The following JRK variants were observed in gnomAD, a reference collection of about 807,000 sequenced individuals.
JRK encodes jerky protein homolog.
For synonymous variants in JRK, 303 were observed against 218.1 expected (o/e 1.39, Z -3.43); for missense variants, 720 against 509.2 (o/e 1.41, Z -3.98).
rs1354418543 is a variant in JRK at position 142,662,326 on chromosome 8, C to CA, written c.*2025_*2026insT. The CA allele has an allele frequency of 1.7e-4, 166 of 985,554 alleles. No individual in the cohort carries two copies. Among genetic ancestry groups the CA allele is most frequent in the Non-Finnish European group, 2.0e-4 (163 of 830,114 alleles). 61.1% of individuals were successfully genotyped at this position (985,554 alleles called of 1,614,324 possible). A position where few individuals can be genotyped will look rare whatever the true frequency, so the allele number is the denominator to read the frequency against. On this transcript the variant is annotated 3_prime_UTR_variant, in exon 2 of 2. Transcript: ENST00000612905. ...CCTGCCCATGCCCTCCCCAGCTCCA[C>CA]CCACCCAGGATGTCCTACTGTTTCA... is the stretch of plus-strand genomic sequence containing the variant.
downstream of JRK, among the ~76,000 whole-genome samples, chr8:142,656,651 C>T (rs587681819): frequency 6.6e-6 from 1 of 152,320 alleles, no homozygotes; most frequent in East Asian, 1.9e-4. Flanking sequence ...TTTGAGAGCA[C>T]CCTTAGGCTT....
chr8:142,659,883 G>C lies in JRK; in HGVS notation c.*4469C>G. On this transcript the variant is annotated 3_prime_UTR_variant, in exon 2 of 2. Coordinates refer to ENST00000612905, the MANE Select transcript of JRK (RefSeq NM_003724.4). ...GCCCCAGTCTCATCCCTAAACAGGA[G>C]TGACCCCACCTCATTTCATGTCATC... is the stretch of plus-strand genomic sequence containing the variant. 1.0e-6 allele frequency: 1 copy of C among 985,604 alleles called. No homozygotes were observed. The highest frequency in any genetic ancestry group is 1.2e-6 in the Non-Finnish European group (1 of 830,034). The allele number at this position is 985,604 out of a possible 1,614,324, so 61.1% of individuals were successfully genotyped here.
chr8:142,666,676 GC>G (rs1375745896), intron 1 of JRK, among the ~76,000 whole-genome samples, 156 bp from the exon 2 acceptor site: 110 of 152,302 alleles, frequency 7.2e-4, no homozygotes, highest in East Asian at 9.6e-4. Context: ...GGAGAGGGTG[GC>G]CCCGGGAGCA....
At chr8:142,651,747 A>C in the JRK span, among the ~76,000 whole-genome samples, 1 of 152,218 alleles carries the variant, frequency 6.6e-6, no homozygotes, top group Non-Finnish European at 1.5e-5. Context: ...ATCATTACTG[A>C]GTGCTCTAAC....
chr8:142,666,395 T>C lies in JRK; in HGVS notation c.-337A>G. Reference sequence around the variant, plus strand: ...ACACGGCTGGAACTCCGGCCTTCTCTGTGGATACTATGGCAGCGGCTCCCC... The same window carrying C: ...ACACGGCTGGAACTCCGGCCTTCTCCGTGGATACTATGGCAGCGGCTCCCC... On this transcript the variant is annotated 5_prime_UTR_variant, in exon 2 of 2. Transcript: ENST00000612905. The C allele has an allele frequency of 2.3e-6, 1 of 438,482 alleles. No homozygotes were observed. Among genetic ancestry groups the C allele is most frequent in the Non-Finnish European group, 4.4e-6 (1 of 225,696 alleles). The allele number at this position is 438,482 out of a possible 1,614,324, so 27.2% of individuals were successfully genotyped here. A position where few individuals can be genotyped will look rare whatever the true frequency, so the allele number is the denominator to read the frequency against.
In JRK at chr8:142,659,795, T is replaced by G; in HGVS notation, c.*4557A>C. 2 of 985,550 alleles carry G rather than the reference T, an allele frequency of 2.0e-6. No homozygotes were observed. The highest frequency in any genetic ancestry group is 2.4e-6 in the Non-Finnish European group (2 of 830,022). The allele number at this position is 985,550 out of a possible 1,614,324, so 61.1% of individuals were successfully genotyped here. A position where few individuals can be genotyped will look rare whatever the true frequency, so the allele number is the denominator to read the frequency against. On this transcript the variant is annotated 3_prime_UTR_variant, in exon 2 of 2. Transcript: ENST00000612905. ...GCAGTGGAGAACGTGAGGCTGGTCATTAGGAGCAGGTAGCCCTGGGTCTCC... is the reference window on the plus strand; with the variant it reads ...GCAGTGGAGAACGTGAGGCTGGTCAGTAGGAGCAGGTAGCCCTGGGTCTCC...
At position 142,662,207 on chromosome 8, in the gene JRK, C is replaced by T. The variant is rs148246389; in HGVS notation, c.*2145G>A. 5.8e-5 allele frequency: 57 copies of T among 985,560 alleles called. No individual in the cohort carries two copies. Among genetic ancestry groups the T allele is most frequent in the South Asian group, 9.4e-5 (2 of 21,282 alleles). 61.1% of individuals were successfully genotyped at this position (985,560 alleles called of 1,614,324 possible). A position where few individuals can be genotyped will look rare whatever the true frequency, so the allele number is the denominator to read the frequency against. ...AGTCAGCACAAGAGCAGATCAAGAA[C>T]GGGAAGAGCTCAGGTCCTGAAGAGC... On this transcript the variant is annotated 3_prime_UTR_variant, in exon 2 of 2. Coordinates refer to ENST00000612905, the MANE Select transcript of JRK (RefSeq NM_003724.4).
Position 142,661,890 on chromosome 8 carries a change from C to T in JRK, c.*2462G>A, listed in dbSNP as rs587662306. On this transcript the variant is annotated 3_prime_UTR_variant, in exon 2 of 2. Coordinates refer to ENST00000612905, the MANE Select transcript of JRK (RefSeq NM_003724.4). ...GGAGGACACGGCAGTCTCCATAAAG[C>T]GTTCTGGGGGACAGGACCGAGGCAA... The T allele has an allele frequency of 3.4e-5, 34 of 985,558 alleles. No homozygotes were observed. The highest frequency in any genetic ancestry group is 8.7e-5 in the African/African-American group (5 of 57,362). The allele number at this position is 985,558 out of a possible 1,614,324, so 61.1% of individuals were successfully genotyped here.
rs369805230 is a variant in JRK at position 142,662,949 on chromosome 8, C to G, written c.*1403G>C. The G allele has an allele frequency of 1.9e-5, 15 of 781,956 alleles. No individual in the cohort carries two copies. In the East Asian group the frequency reaches 5.1e-4, roughly 27 times the overall value. 48.4% of individuals were successfully genotyped at this position (781,956 alleles called of 1,614,324 possible). ...ATGAGGAAGGAGGATCGCTTGAGGC[C>G]AAGAGTTCAAGACCAGCCTGGGCAA... On this transcript the variant is annotated 3_prime_UTR_variant, in exon 2 of 2. Transcript: ENST00000612905.
chr8:142,662,520 C>T lies in JRK; in HGVS notation c.*1832G>A. ...GAAGCAAACAGTGCGGGTGACACCA[C>T]AAAGACAATGGGACACAAATGGGAA... On this transcript the variant is annotated 3_prime_UTR_variant, in exon 2 of 2. Transcript: ENST00000612905. The T allele has an allele frequency of 6.1e-6, 6 of 985,468 alleles. No individual in the cohort carries two copies. Among genetic ancestry groups the T allele is most frequent in the Non-Finnish European group, 7.2e-6 (6 of 829,956 alleles). 61.0% of individuals were successfully genotyped at this position (985,468 alleles called of 1,614,324 possible).
Position 142,659,783 on chromosome 8 carries a change from T to A in JRK, c.*4569A>T. ...AGCAGGGAGTGAGCAGTGGAGAACGTGAGGCTGGTCATTAGGAGCAGGTAG... is the reference window on the plus strand; with the variant it reads ...AGCAGGGAGTGAGCAGTGGAGAACGAGAGGCTGGTCATTAGGAGCAGGTAG... On this transcript the variant is annotated 3_prime_UTR_variant, in exon 2 of 2. Transcript: ENST00000612905. 1 of 985,540 alleles carries A rather than the reference T, an allele frequency of 1.0e-6. No homozygotes were observed. Among genetic ancestry groups the A allele is most frequent in the Non-Finnish European group, 1.2e-6 (1 of 830,006 alleles). 61.0% of individuals were successfully genotyped at this position (985,540 alleles called of 1,614,324 possible).
rs782654867 is a variant in JRK at position 142,664,890 on chromosome 8, G to A, written c.1169C>T (p.Ala390Val). 18 of 1,227,812 alleles carry A rather than the reference G, an allele frequency of 1.5e-5. No homozygotes were observed. Among genetic ancestry groups the A allele is most frequent in the South Asian group, 6.1e-5 (5 of 82,400 alleles). The allele number at this position is 1,227,812 out of a possible 1,614,324, so 76.1% of individuals were successfully genotyped here. The change falls in exon 2 of 2, where the codon GCG becomes GTG. Residue 390 changes from alanine to valine, a missense_variant. Ala to Val is a moderately conservative substitution (Grantham distance 64, BLOSUM62 0). Coordinates refer to ENST00000612905, the MANE Select transcript of JRK (RefSeq NM_003724.4). The part of the protein sequence containing the change: ...RAWRKLWPSV[A>V]FAEGSSSEEE... ...CTCAGAGGAGGAGCCTTCGGCAAACGCAACCGACGGCCACAGCTTCCTCCA... is the reference window on the plus strand; with the variant it reads ...CTCAGAGGAGGAGCCTTCGGCAAACACAACCGACGGCCACAGCTTCCTCCA...
At position 142,661,807 on chromosome 8, in the gene JRK, TA is replaced by T. The variant is rs1219582271; in HGVS notation, c.*2544del. 2.0e-6 allele frequency: 2 copies of T among 985,384 alleles called. No homozygotes were observed. Among genetic ancestry groups the T allele is most frequent in the African/African-American group, 1.7e-5 (1 of 57,214 alleles). 61.0% of individuals were successfully genotyped at this position (985,384 alleles called of 1,614,324 possible). On this transcript the variant is annotated 3_prime_UTR_variant, in exon 2 of 2. Coordinates refer to ENST00000612905, the MANE Select transcript of JRK (RefSeq NM_003724.4). ...GGCTTGGGGAAAAAGATTCTGAGGC[TA>T]AAACATTCAACCACTTGAGCTTCTG...
Position 142,658,959 on chromosome 8 carries a change from C to T in JRK, c.*5393G>A. ...CCCACAGTCTCCTGAAACAACAGAA[C>T]TTTGCTGCTTCATGGAGGAGCGTCA... On this transcript the variant is annotated 3_prime_UTR_variant, in exon 2 of 2. Coordinates refer to ENST00000612905, the MANE Select transcript of JRK (RefSeq NM_003724.4). 3 of 1,611,076 alleles carry T rather than the reference C, an allele frequency of 1.9e-6. No individual in the cohort carries two copies. The highest frequency in any genetic ancestry group is 2.5e-6 in the Non-Finnish European group (3 of 1,178,554).
In JRK at chr8:142,665,976, A is replaced by G; in HGVS notation, c.83T>C (p.Ile28Thr). Residue 28 changes from isoleucine to threonine, a missense_variant, in exon 2 of 2, where the codon ATC (isoleucine) becomes ACC (threonine). By Grantham distance (89) the Ile-to-Thr change is moderately conservative. Coordinates refer to ENST00000612905, the MANE Select transcript of JRK (RefSeq NM_003724.4). Reference protein sequence around the residue: ...VVLTLKEKIDICTRLEKGESR... With the variant: ...VVLTLKEKIDTCTRLEKGESR... ...CTCGCCCTTCTCCAGGCGCGTGCAG[A>G]TGTCAATCTTCTCCTTCAGTGTCAG... 8.8e-7 allele frequency: 1 copy of G among 1,133,414 alleles called. No homozygotes were observed. The highest frequency in any genetic ancestry group is 1.3e-6 in the Non-Finnish European group (1 of 741,144). 70.2% of individuals were successfully genotyped at this position (1,133,414 alleles called of 1,614,324 possible).
chr8:142,667,443 A>ACACACACAC (rs1397372232), intron 1 of JRK, among the ~76,000 whole-genome samples: 31 of 142,356 alleles, frequency 2.2e-4, no homozygotes, highest in Non-Finnish European at 2.3e-4. Context: ...ACACACACAC[A>ACACACACAC]CACACACACA....
chr8:142,668,367 G>C (rs1847197832), intron 1 of JRK, among the ~76,000 whole-genome samples: 1 of 152,176 alleles, frequency 6.6e-6, no homozygotes, highest in Non-Finnish European at 1.5e-5. Context: ...CAGTTTCCTG[G>C]TCTGCAAAAT....
chr8:142,659,664 C>G lies in JRK; in HGVS notation c.*4688G>C. On this transcript the variant is annotated 3_prime_UTR_variant, in exon 2 of 2. Transcript: ENST00000612905. ...GGAACTGAAAGGAGGTTCAAGGCCTCAAACAAGAGTGGCCCCTAAAACAGT... is the reference window on the plus strand; with the variant it reads ...GGAACTGAAAGGAGGTTCAAGGCCTGAAACAAGAGTGGCCCCTAAAACAGT... The G allele has an allele frequency of 2.0e-6, 2 of 985,576 alleles. No homozygotes were observed. Among genetic ancestry groups the G allele is most frequent in the South Asian group, 9.4e-5 (2 of 21,292 alleles). The allele number at this position is 985,576 out of a possible 1,614,324, so 61.1% of individuals were successfully genotyped here. A position where few individuals can be genotyped will look rare whatever the true frequency, so the allele number is the denominator to read the frequency against.
In JRK at chr8:142,662,634, T is replaced by A; in HGVS notation, c.*1718A>T. ...GCATTCAAAGCAAGAAACACACACTTCCAGGACATAGATAGGGCTCTGTCA... is the reference window on the plus strand; with the variant it reads ...GCATTCAAAGCAAGAAACACACACTACCAGGACATAGATAGGGCTCTGTCA... On this transcript the variant is annotated 3_prime_UTR_variant, in exon 2 of 2. Coordinates refer to ENST00000612905, the MANE Select transcript of JRK (RefSeq NM_003724.4). 1.0e-6 allele frequency: 1 copy of A among 985,304 alleles called. No individual in the cohort carries two copies. Among genetic ancestry groups the A allele is most frequent in the Non-Finnish European group, 1.2e-6 (1 of 829,906 alleles). The allele number at this position is 985,304 out of a possible 1,614,324, so 61.0% of individuals were successfully genotyped here.
Sources: allele counts gnomAD v4.1 joint callset (sites outside exome capture counted in the v4.1 genomes callset), GRCh38; gene constraint gnomAD v4.1.1; transcripts MANE v1.5; gene names NCBI Gene and HGNC (gene_info 2026-07-23, HGNC 2026-07-21).